Variants in TBCD observed in about 807,000 individuals in gnomAD.
TBCD encodes tubulin folding cofactor D.
In TBCD, 105 loss-of-function variants were observed where a neutral mutation model predicts 169.3. The ratio of observed to expected loss-of-function variants is 0.62; its 90% CI spans 0.53 to 0.73. The LOEUF is 0.73. TBCD is among the 30% of genes least tolerant of loss of function. The probability of loss-of-function intolerance (pLI) is 0.00; values close to 1 mark genes in which losing one functional copy is unlikely to be tolerated. For missense variants in TBCD, 1,444 were observed against 1,600.1 expected, an observed-to-expected ratio of 0.90 and a Z score of 1.66; for synonymous variants, 700 against 643.9, an observed-to-expected ratio of 1.09 and a Z score of -1.32.
At chr17:82,839,037 A>T in intron 13 of TBCD, 1 of 943,484 alleles carries the variant, frequency 1.1e-6, no homozygotes, top group Non-Finnish European at 1.3e-6. Context: ...ATCTGTGTCT[A>T]TATGTACAGA....
chr17:82,812,537 A>T (rs1004172633), intron 12 of TBCD, among the ~76,000 whole-genome samples: 9 of 152,124 alleles, frequency 5.9e-5, no homozygotes, highest in Non-Finnish European at 1.2e-4. Context: ...GAGCAGATGG[A>T]TACAGAGGTT....
Position 82,890,351 on chromosome 17 carries a change from C to G in TBCD, c.1563+654C>G, listed in dbSNP as rs773129833. On this transcript the variant is annotated intron_variant, in intron 16 of 38. Transcript: ENST00000355528. This position sits in a 1 kb window ranked among gnomAD's most constrained non-coding sequence, Gnocchi z 5.3. ...ACCTGGGCGGGGAGCAAAGTTCCCA[C>G]GAGAAGTCAGCCGAGAAGGCTCTGG... Among the ~76,000 whole-genome samples the G allele has an allele frequency of 6.6e-6, 1 of 151,980 alleles. No individual in the cohort carries two copies. The highest frequency in any genetic ancestry group is 1.5e-5 in the Non-Finnish European group (1 of 67,974).
At chr17:82,941,625 C>T (rs1023787756) in intron 38 of TBCD, 142 bp downstream of exon 38, 21 of 743,526 alleles carry the variant, frequency 2.8e-5, no homozygotes, top group East Asian at 1.7e-4. Context: ...CCTGGGATTA[C>T]GGGACCAGCA....
At chr17:82,815,456 G>A (rs1460416007) in intron 13 of TBCD, among the ~76,000 whole-genome samples, 2 of 152,258 alleles carry the variant, frequency 1.3e-5, no homozygotes, top group Non-Finnish European at 2.9e-5. Context: ...TGAAACCAGG[G>A]TGGGAACTGG....
At chr17:82,896,873 G>A (rs1290618959) in intron 17 of TBCD, among the ~76,000 whole-genome samples, 2 of 151,858 alleles carry the variant, frequency 1.3e-5, no homozygotes, top group African/African-American at 2.4e-5. Flanking sequence ...GGCGCTGGGG[G>A]TGTTGGTCTT....
chr17:82,922,147 G>C lies in TBCD; in HGVS notation c.2178+570G>C, dbSNP rs556806300. Reference sequence around the variant, plus strand: ...GCGCAGTGGCGGGTGGATCACTTGAGGTCAGGAGTTCGAGGCCAGCCTGGC... The same window carrying C: ...GCGCAGTGGCGGGTGGATCACTTGACGTCAGGAGTTCGAGGCCAGCCTGGC... On this transcript the variant is annotated intron_variant, in intron 25 of 38. Coordinates refer to ENST00000355528, the MANE Select transcript of TBCD (RefSeq NM_005993.5). The surrounding 1 kb of genome is among the most constrained non-coding windows in gnomAD (Gnocchi z 4.1). Among the ~76,000 whole-genome samples, 1 of 152,194 alleles carries C rather than the reference G, an allele frequency of 6.6e-6. No homozygotes were observed. The highest frequency in any genetic ancestry group is 2.1e-4 in the South Asian group (1 of 4,820).
At chr17:82,756,264 G>A (rs1483244242) in intron 2 of TBCD, 49 bp downstream of exon 2, 9 of 1,550,296 alleles carry the variant, frequency 5.8e-6, no homozygotes, top group South Asian at 2.3e-5. Context: ...AGATGACCAC[G>A]GAGGCCTTGG....
intron 14 of TBCD, among the ~76,000 whole-genome samples, chr17:82,881,238 C>T (rs1180402948): frequency 3.9e-5 from 6 of 152,200 alleles, no homozygotes; most frequent in Non-Finnish European, 8.8e-5. Context: ...GGCCTTTCCA[C>T]GCTGAGACCA....
Position 82,756,146 on chromosome 17 carries a change from A to G in TBCD, c.185-19A>G, listed in dbSNP as rs1245671348. The G allele has an allele frequency of 1.3e-6, 2 of 1,593,544 alleles. No homozygotes were observed. Among genetic ancestry groups the G allele is most frequent in the African/African-American group, 1.3e-5 (1 of 74,334 alleles). On this transcript the variant is annotated intron_variant, in intron 1 of 38. Coordinates refer to ENST00000355528, the MANE Select transcript of TBCD (RefSeq NM_005993.5). ...TTTGGCCTAGTGATAATTAATTTTCATGTTATATTTGTTTTTAGTAATAAT... is the reference window on the plus strand; with the variant it reads ...TTTGGCCTAGTGATAATTAATTTTCGTGTTATATTTGTTTTTAGTAATAAT...
chr17:82,871,777 AGCGTTGGCCTGGGGCCC>A (rs1027866941), intron 14 of TBCD, among the ~76,000 whole-genome samples: 14 of 151,908 alleles, frequency 9.2e-5, no homozygotes, highest in African/African-American at 3.4e-4. Flanking sequence ...TGGCGGGGCC[AGCGTTGGCCTGGGGCCC>A]GCTTGGCTTT....
chr17:82,818,215 C>T (rs1031965583), intron 13 of TBCD, among the ~76,000 whole-genome samples: 1 of 152,212 alleles, frequency 6.6e-6, no homozygotes, highest in African/African-American at 2.4e-5. Flanking sequence ...GGTTGGTTGG[C>T]CCCTTCTGCC....
At chr17:82,904,756 T>G (rs1169514431) in intron 19 of TBCD, among the ~76,000 whole-genome samples, 1 of 152,092 alleles carries the variant, frequency 6.6e-6, no homozygotes, top group Non-Finnish European at 1.5e-5. Context: ...GCTCGTTCAT[T>G]CCTAAGGGAT....
In TBCD at chr17:82,752,191, G is replaced by T; in HGVS notation, c.-3G>T. On this transcript the variant is annotated 5_prime_UTR_variant, in exon 1 of 39. Coordinates refer to ENST00000355528, the MANE Select transcript of TBCD (RefSeq NM_005993.5). The stretch of plus-strand genomic sequence containing the variant: ...GCGGGGGCGCGGTCCCCAGGCTGCC[G>T]AGATGGCCCTGAGCGACGAACCGGC... 6.6e-7 allele frequency: 1 copy of T among 1,517,358 alleles called. No individual in the cohort carries two copies. Among genetic ancestry groups the T allele is most frequent in the East Asian group, 2.7e-5 (1 of 36,666 alleles). 94.0% of individuals were successfully genotyped at this position (1,517,358 alleles called of 1,614,324 possible). A position where few individuals can be genotyped will look rare whatever the true frequency, so the allele number is the denominator to read the frequency against.
At chr17:82,815,789 T>C (rs1222564173) in intron 13 of TBCD, among the ~76,000 whole-genome samples, 2 of 151,572 alleles carry the variant, frequency 1.3e-5, no homozygotes, top group African/African-American at 4.8e-5. Flanking sequence ...GCGTCTGAAG[T>C]GACCGCTTTG....
At chr17:82,790,092 C>T (rs1031465989) in intron 7 of TBCD, among the ~76,000 whole-genome samples, 7 of 152,182 alleles carry the variant, frequency 4.6e-5, no homozygotes, top group East Asian at 1.9e-4. Context: ...TGTCCCAGCA[C>T]GTGGCTCTGT....
At chr17:82,885,751 A>T (rs1477287172) in intron 15 of TBCD, among the ~76,000 whole-genome samples, 3 of 152,212 alleles carry the variant, frequency 2.0e-5, no homozygotes, top group African/African-American at 7.2e-5. Context: ...GAAGTGAAAT[A>T]ATATAAATCA....
At position 82,884,822 on chromosome 17, in the gene TBCD, G is replaced by A. The variant is rs1195968386; in HGVS notation, c.1533+620G>A. 6.4e-6 allele frequency: 1 copy of A among 155,766 alleles called. No homozygotes were observed. Among genetic ancestry groups the A allele is most frequent in the Non-Finnish European group, 1.4e-5 (1 of 69,966 alleles). 9.6% of individuals were successfully genotyped at this position (155,766 alleles called of 1,614,324 possible). A position where few individuals can be genotyped will look rare whatever the true frequency, so the allele number is the denominator to read the frequency against. On this transcript the variant is annotated intron_variant, in intron 15 of 38. Transcript: ENST00000355528. This position sits in a 1 kb window ranked among gnomAD's most constrained non-coding sequence, Gnocchi z 4.2. ...TCATTTGGCTCAGAGCTGGGCTGGA[G>A]TGAGGCCTGTGTCTCTTGGGACCAC...
At position 82,789,559 on chromosome 17, in the gene TBCD, C is replaced by T. The variant is rs908118438; in HGVS notation, c.771+7838C>T. Reference sequence around the variant, plus strand: ...TGGCCCCTGCCCCAGTCGTCCTGACCTGTGGCCCCTGTGCAGGTTGGGGTG... The same window carrying T: ...TGGCCCCTGCCCCAGTCGTCCTGACTTGTGGCCCCTGTGCAGGTTGGGGTG... On this transcript the variant is annotated intron_variant, in intron 7 of 38. Coordinates refer to ENST00000355528, the MANE Select transcript of TBCD (RefSeq NM_005993.5). This position sits in a 1 kb window ranked among gnomAD's most constrained non-coding sequence, Gnocchi z 4.8. 6.6e-6 allele frequency among the ~76,000 whole-genome samples: 1 copy of T among 152,174 alleles called. No individual in the cohort carries two copies. Among genetic ancestry groups the T allele is most frequent in the African/African-American group, 2.4e-5 (1 of 41,450 alleles).
rs56382391 is a variant in TBCD, at chr17:82,900,769, T to G, written c.1730+38T>G. 12 of 1,500,636 alleles carry G rather than the reference T, an allele frequency of 8.0e-6. No individual in the cohort carries two copies. The South Asian group carries it at 1.4e-4, about 17-fold the overall frequency. 93.0% of individuals were successfully genotyped at this position (1,500,636 alleles called of 1,614,324 possible). A position where few individuals can be genotyped will look rare whatever the true frequency, so the allele number is the denominator to read the frequency against. On this transcript the variant is annotated intron_variant, in intron 18 of 38. Coordinates refer to ENST00000355528, the MANE Select transcript of TBCD (RefSeq NM_005993.5). The stretch of plus-strand genomic sequence containing the variant: ...TTTTTGTTTTTCTAAGAGCTTTTTT[T>G]CCCCCCAAAGGAGAGATTCAGTTGA...
Sources: gnomAD v4.1 joint callset for allele counts (sites outside exome capture counted in the v4.1 genomes callset) on GRCh38, gnomAD v4.1.1 for gene constraint, Gnocchi (gnomAD v3.1) non-coding constraint, MANE v1.5 for transcripts, NCBI Gene and HGNC (gene_info 2026-07-23, HGNC 2026-07-21) for gene names.